STX3: variants seen among roughly 807,000 people sequenced by gnomAD.
STX3 encodes the protein syntaxin 3.
In STX3, 19 loss-of-function variants were observed where a neutral mutation model predicts 40.2. The ratio of observed to expected loss-of-function variants is 0.47; its 90% CI spans 0.33 to 0.69. The LOEUF is 0.69. STX3 is among the 30% of genes least tolerant of loss of function. The pLI, the probability that STX3 is intolerant of heterozygous loss-of-function variation, is 0.02. For missense variants in STX3, 364 were observed against 366.7 expected, an observed-to-expected ratio of 0.99 and a Z score of 0.06; for synonymous variants, 122 against 132.2, an observed-to-expected ratio of 0.92 and a Z score of 0.53.
At chr11:59,781,360 C>G in intron 2 of STX3, 2 of 1,593,442 alleles carry the variant, frequency 1.3e-6, no homozygotes, top group Middle Eastern at 1.9e-4. Flanking sequence ...TTGTTCATGA[C>G]ACACTCCACC....
chr11:59,790,558 C>T lies in STX3; in HGVS notation c.329C>T (p.Ser110Leu), dbSNP rs531306282. ...ATTGAAGAAGATGAGGTCAGGTCAT[C>T]GGCAGACCTTCGGATTCGGAAATCC... is the stretch of plus-strand genomic sequence containing the variant. Reference protein sequence around the residue: ...KHIEEDEVRSSADLRIRKSQH... With the variant: ...KHIEEDEVRSLADLRIRKSQH... Residue 110 changes from serine (S) to leucine (L), a missense_variant, in exon 5 of 11, where the codon TCG (serine) becomes TTG (leucine). By Grantham distance (145) the Ser-to-Leu change is moderately radical. Transcript: ENST00000337979. The T allele has an allele frequency of 7.4e-6, 12 of 1,614,024 alleles. No individual in the cohort carries two copies. The highest frequency in any genetic ancestry group is 3.3e-5 in the South Asian group (3 of 91,062).
intron 1 of STX3, among the ~76,000 whole-genome samples, chr11:59,770,245 G>A (rs890308716): frequency 1.3e-5 from 2 of 150,626 alleles, no homozygotes; most frequent in African/African-American, 4.9e-5. Flanking sequence ...CGTGTGTAGG[G>A]TGTGTGTATG....
intron 1 of STX3, among the ~76,000 whole-genome samples, chr11:59,764,288 T>C (rs1863180536): frequency 6.6e-6 from 1 of 152,214 alleles, no homozygotes; most frequent in Admixed American, 6.5e-5. Context: ...CTGCTTTAGA[T>C]AACATGATCT....
chr11:59,755,428 C>A lies in STX3; in HGVS notation c.-178C>A. The A allele has an allele frequency of 1.8e-6, 1 of 558,212 alleles. No homozygotes were observed. Among genetic ancestry groups the A allele is most frequent in the Non-Finnish European group, 2.8e-6 (1 of 363,176 alleles). 34.6% of individuals were successfully genotyped at this position (558,212 alleles called of 1,614,324 possible). ...GGCGGAGGGGGCTGCGCGGCGGAGG[C>A]TCCCGTGGCCTCGGACGCTCCTCCT... On this transcript the variant is annotated 5_prime_UTR_variant, in exon 1 of 11. Coordinates refer to ENST00000337979, the MANE Select transcript of STX3 (RefSeq NM_004177.5).
intron 10 of STX3, among the ~76,000 whole-genome samples, chr11:59,799,087 G>T (rs1865714462): frequency 6.6e-6 from 1 of 151,784 alleles, no homozygotes; most frequent in African/African-American, 2.4e-5. Context: ...ATGGAGTTTT[G>T]CCATGTCACC....
chr11:59,771,706 G>C (rs1035514751), intron 1 of STX3, among the ~76,000 whole-genome samples: 3 of 152,066 alleles, frequency 2.0e-5, no homozygotes, highest in African/African-American at 7.2e-5. Context: ...CCAACTGCTT[G>C]CTTGGTCTAG....
intron 2 of STX3, among the ~76,000 whole-genome samples, chr11:59,774,649 A>G (rs552838634): frequency 6.6e-6 from 1 of 152,190 alleles, no homozygotes; most frequent in Admixed American, 6.5e-5. Flanking sequence ...TGGCCAACAC[A>G]GTGAAACCCT....
chr11:59,756,949 T>C (rs1862745761), intron 1 of STX3, among the ~76,000 whole-genome samples: 2 of 152,208 alleles, frequency 1.3e-5, no homozygotes, highest in Admixed American at 1.3e-4. Context: ...GAGACCTTCA[T>C]TCCTGTTTCA....
chr11:59,800,158 T>C, intron 10 of STX3: 1 of 985,452 alleles, frequency 1.0e-6, no homozygotes, highest in Non-Finnish European at 1.2e-6. Context: ...AGCTGCTTTT[T>C]TTGTAGTGTA....
intron 10 of STX3, among the ~76,000 whole-genome samples, chr11:59,798,777 G>C (rs958861679): frequency 1.4e-5 from 2 of 147,080 alleles, no homozygotes; most frequent in Admixed American, 1.4e-4. Flanking sequence ...GCCTCCCAAA[G>C]TGCTAGGATT....
chr11:59,765,766 C>T (rs57871852), intron 1 of STX3, among the ~76,000 whole-genome samples: 15,824 of 152,100 alleles, frequency 0.1, 1,154 homozygotes, highest in African/African-American at 0.2. Flanking sequence ...ATTGCACCAC[C>T]GTACTCCAGC....
At chr11:59,795,820 T>C (rs1565191369) in intron 9 of STX3, 2 of 948,424 alleles carry the variant, frequency 2.1e-6, no homozygotes, top group East Asian at 2.6e-5. Flanking sequence ...CTCCCTGTCG[T>C]AGCCTCATCA....
chr11:59,788,778 G>A (rs528531044), intron 3 of STX3, 95 bp from the exon 4 acceptor site: 56 of 1,054,068 alleles, frequency 5.3e-5, no homozygotes, highest in African/African-American at 2.9e-4. Context: ...GTGGATGCCC[G>A]ATAAAGCTCC....
At chr11:59,790,479 C>T (rs759794635) in intron 4 of STX3, 40 bp from the exon 5 acceptor site, 67 of 1,466,660 alleles carry the variant, frequency 4.6e-5, no homozygotes, top group Non-Finnish European at 5.8e-5. Context: ...TTCTTGGAGG[C>T]GGAGATAGGT....
Position 59,789,051 on chromosome 11 carries a change from C to T in STX3, c.289+104C>T. The stretch of plus-strand genomic sequence containing the variant: ...GAAACTCCTCTTGATGGAAGTGACA[C>T]CACTTGGTCCATCTTTGCTTGTGGT... On this transcript the variant is annotated intron_variant, in intron 4 of 10. Coordinates refer to ENST00000337979, the MANE Select transcript of STX3 (RefSeq NM_004177.5). 3.1e-6 allele frequency: 3 copies of T among 983,282 alleles called. No individual in the cohort carries two copies. The East Asian group carries it at 8.1e-5, about 27-fold the overall frequency. The allele number at this position is 983,282 out of a possible 1,614,324, so 60.9% of individuals were successfully genotyped here. A position where few individuals can be genotyped will look rare whatever the true frequency, so the allele number is the denominator to read the frequency against.
chr11:59,764,393 C>T (rs1465441619), intron 1 of STX3, among the ~76,000 whole-genome samples: 4 of 152,128 alleles, frequency 2.6e-5, no homozygotes, highest in African/African-American at 9.7e-5. Flanking sequence ...TTATTCTTGT[C>T]ATGTCACAAA....
rs1865975637 is a variant in STX3, at chr11:59,803,541, A to G, written c.*2717A>G. Among the ~76,000 whole-genome samples the G allele has an allele frequency of 6.6e-6, 1 of 152,228 alleles. No homozygotes were observed. The highest frequency in any genetic ancestry group is 6.5e-5 in the Admixed American group (1 of 15,280). ...CTGTCCTATAACCTGGTGTGGCAGAATGCTTTGTACAGGTGAAGGATAGTG... is the reference window on the plus strand; with the variant it reads ...CTGTCCTATAACCTGGTGTGGCAGAGTGCTTTGTACAGGTGAAGGATAGTG... On this transcript the variant is annotated 3_prime_UTR_variant, in exon 11 of 11. Transcript: ENST00000337979.
intron 2 of STX3, among the ~76,000 whole-genome samples, chr11:59,779,254 G>A (rs1333395461): frequency 6.6e-6 from 1 of 152,216 alleles, no homozygotes; most frequent in East Asian, 1.9e-4. Context: ...CTGAAAGTCC[G>A]AGACCAGGAT....
chr11:59,793,644 G>A, intron 8 of STX3, 130 bp downstream of exon 8: 2 of 1,292,362 alleles, frequency 1.5e-6, no homozygotes, highest in Non-Finnish European at 2.1e-6. Context: ...TTGCATAAAG[G>A]AGAAACAGAA....
Sources: allele counts gnomAD v4.1 joint callset (sites outside exome capture counted in the v4.1 genomes callset), GRCh38; gene constraint gnomAD v4.1.1; transcripts MANE v1.5; gene names NCBI Gene and HGNC (gene_info 2026-07-23, HGNC 2026-07-21).